TAOK1: variants seen among roughly 807,000 people sequenced by gnomAD.
TAOK1 encodes the protein TAO kinase 1.
TAOK1 carries 21 observed loss-of-function variants against 138.3 expected under a neutral mutation model. That is an observed-to-expected ratio of 0.15 (90% CI 0.11 to 0.22). TAOK1 has a LOEUF of 0.22. Ranked by LOEUF, TAOK1 falls within the 10% of genes least tolerant of loss-of-function variation. The pLI is 1.00. For missense variants in TAOK1, 651 were observed against 1,227.7 expected (o/e 0.53, Z 7.02); for synonymous variants, 361 against 398.4 (o/e 0.91, Z 1.12).
chr17:29,515,523 G>A (rs999963136), intron 15 of TAOK1, among the ~76,000 whole-genome samples: 2 of 152,076 alleles, frequency 1.3e-5, no homozygotes, highest in Non-Finnish European at 2.9e-5. Flanking sequence ...TTTCCTTTCC[G>A]ATTGAGTGGG....
At chr17:29,459,832 C>G (rs1396764328) in intron 2 of TAOK1, among the ~76,000 whole-genome samples, 1 of 152,152 alleles carries the variant, frequency 6.6e-6, no homozygotes, top group Non-Finnish European at 1.5e-5. Context: ...CATCCAAACT[C>G]TTCTTCATAG....
chr17:29,542,154 G>C (rs1184422698), intron 19 of TAOK1, among the ~76,000 whole-genome samples: 1 of 152,182 alleles, frequency 6.6e-6, no homozygotes, highest in Non-Finnish European at 1.5e-5. Flanking sequence ...TGGGACTACA[G>C]GCGTGAGCCA....
At chr17:29,393,211 T>C (rs1426139975) in intron 1 of TAOK1, among the ~76,000 whole-genome samples, 1 of 152,198 alleles carries the variant, frequency 6.6e-6, no homozygotes, top group African/African-American at 2.4e-5. Flanking sequence ...TATACTAGCA[T>C]GTGTTGATCG....
intron 7 of TAOK1, 76 bp downstream of exon 7, chr17:29,480,557 A>T: frequency 7.8e-7 from 1 of 1,284,940 alleles, no homozygotes; most frequent in Non-Finnish European, 1.1e-6. Flanking sequence ...ATGAAGTGTA[A>T]GGTAAAGTAC....
intron 1 of TAOK1, among the ~76,000 whole-genome samples, chr17:29,442,149 C>G (rs2029957908): frequency 6.6e-6 from 1 of 151,538 alleles, no homozygotes; most frequent in African/African-American, 2.4e-5. Context: ...CTCAAGCAAT[C>G]CTCCCACCTC....
intron 1 of TAOK1, chr17:29,404,086 AAAAT>A (rs1904924377): frequency 6.6e-6 from 1 of 152,100 alleles, no homozygotes; most frequent in Non-Finnish European, 1.5e-5. Context: ...GGGCATGTAA[AAAAT>A]AAAACAGTGT....
At chr17:29,437,035 T>C (rs1906050710) in intron 1 of TAOK1, among the ~76,000 whole-genome samples, 1 of 108,770 alleles carries the variant, frequency 9.2e-6, no homozygotes, top group African/African-American at 4.5e-5. Flanking sequence ...ACTCAAAAAG[T>C]TTAAAGAAGA....
At chr17:29,441,627 C>T (rs2029941544) in intron 1 of TAOK1, among the ~76,000 whole-genome samples, 1 of 152,080 alleles carries the variant, frequency 6.6e-6, no homozygotes, top group African/African-American at 2.4e-5. Context: ...TTTGGCCAGA[C>T]ACGGTGGCTC....
At chr17:29,430,364 T>G (rs535922314) in intron 1 of TAOK1, among the ~76,000 whole-genome samples, 83 of 152,244 alleles carry the variant, frequency 5.5e-4, no homozygotes, top group South Asian at 4.4e-3. Context: ...TCTGATTGGT[T>G]GGGGAAAGCA....
In TAOK1 at chr17:29,418,032, C is replaced by T. The variant is rs551911332; in HGVS notation, c.-95+27008C>T. On this transcript the variant is annotated intron_variant, in intron 1 of 19. Transcript: ENST00000261716. Reference sequence around the variant, plus strand: ...CATCCCAAGTAGCTGGGATCACAGGCGCACACCACCACACCCAGCTAATTT... The same window carrying T: ...CATCCCAAGTAGCTGGGATCACAGGTGCACACCACCACACCCAGCTAATTT... Among the ~76,000 whole-genome samples the T allele has an allele frequency of 5.9e-5, 9 of 152,184 alleles. No individual in the cohort carries two copies. The East Asian group carries it at 1.2e-3, about 20-fold the overall frequency.
chr17:29,391,091 C>T (rs983075754), intron 1 of TAOK1, 67 bp downstream of exon 1: 1 of 152,124 alleles, frequency 6.6e-6, no homozygotes. Context: ...CCCACTCGGG[C>T]CTGTGTGTGG....
intron 13 of TAOK1, 131 bp from the exon 14 acceptor site, chr17:29,507,765 T>G (rs941406557): frequency 1.1e-5 from 9 of 821,582 alleles, no homozygotes; most frequent in Non-Finnish European, 1.3e-5. Flanking sequence ...TGTTGGAAAT[T>G]TCCTTGGAAT....
chr17:29,428,041 A>G (rs535299037), intron 1 of TAOK1, among the ~76,000 whole-genome samples: 2 of 152,310 alleles, frequency 1.3e-5, no homozygotes, highest in South Asian at 4.1e-4. Flanking sequence ...GATACAAGGA[A>G]TGAATAGACA....
At chr17:29,403,160 C>CAAA (rs34253777) in intron 1 of TAOK1, among the ~76,000 whole-genome samples, 9,168 of 59,714 alleles carry the variant, frequency 0.15, 1,235 homozygotes, top group South Asian at 0.18. Context: ...GATTTTGTCT[C>CAAA]AAAAAAAAAA....
chr17:29,533,004 A>ACGGGCGGTTG (rs766983857), intron 18 of TAOK1, among the ~76,000 whole-genome samples: 2 of 65,332 alleles, frequency 3.1e-5, no homozygotes, highest in Non-Finnish European at 6.2e-5. Context: ...CCCCACCTCC[A>ACGGGCGGTTG]ACCGGGCGGG....
At chr17:29,489,227 G>A (rs2031245629) in intron 8 of TAOK1, among the ~76,000 whole-genome samples, 1 of 152,214 alleles carries the variant, frequency 6.6e-6, no homozygotes, top group African/African-American at 2.4e-5. Context: ...GCTGGGTGCA[G>A]TGGCTCACAC....
At chr17:29,488,713 T>A (rs1423090171) in intron 8 of TAOK1, among the ~76,000 whole-genome samples, 1 of 152,056 alleles carries the variant, frequency 6.6e-6, no homozygotes, top group Non-Finnish European at 1.5e-5. Flanking sequence ...AACCTACAGA[T>A]ACAGAAAGGC....
intron 1 of TAOK1, among the ~76,000 whole-genome samples, chr17:29,397,830 T>C (rs578178701): frequency 6.6e-6 from 1 of 151,086 alleles, no homozygotes; most frequent in African/African-American, 2.4e-5. Context: ...TACATGTATA[T>C]ATATGTGTAT....
At chr17:29,526,144 A>T (rs544444868) in intron 17 of TAOK1, among the ~76,000 whole-genome samples, 20 of 151,644 alleles carry the variant, frequency 1.3e-4, no homozygotes, top group African/African-American at 4.8e-4. Context: ...GTGTGGTGGC[A>T]CATGCTTGCT....
Sources: gnomAD v4.1 joint callset for allele counts (sites outside exome capture counted in the v4.1 genomes callset) on GRCh38, gnomAD v4.1.1 for gene constraint, MANE v1.5 for transcripts, NCBI Gene and HGNC (gene_info 2026-07-23, HGNC 2026-07-21) for gene names.